RERE: variants seen among roughly 807,000 people sequenced by gnomAD.
The protein encoded by RERE is arginine-glutamic acid dipeptide repeats protein.
Under a neutral mutation model 146.1 loss-of-function variants are expected in RERE, and 40 were observed. The ratio of observed to expected loss-of-function variants is 0.27; its 90% CI spans 0.21 to 0.36. RERE has a LOEUF of 0.36. Ranked by LOEUF, RERE falls within the 10% of genes least tolerant of loss-of-function variation. The pLI, the probability that RERE is intolerant of heterozygous loss-of-function variation, is 1.00. For synonymous variants in RERE, 1,003 were observed against 866.0 expected (o/e 1.16, Z -2.78); for missense variants, 1,933 against 2,138.7 (o/e 0.90, Z 1.90).
intron 3 of RERE, among the ~76,000 whole-genome samples, chr1:8,621,056 G>A (rs751016629): frequency 6.6e-6 from 1 of 151,352 alleles, no homozygotes; most frequent in Non-Finnish European, 1.5e-5. Flanking sequence ...GTGTCCCTAT[G>A]TGTTTTGATG....
intron 12 of RERE, among the ~76,000 whole-genome samples, chr1:8,370,697 T>G (rs1015150721): frequency 4.6e-5 from 7 of 152,200 alleles, no homozygotes; most frequent in African/African-American, 1.7e-4. Context: ...GGGAAAGCTC[T>G]GGTTCTACAA....
At chr1:8,756,128 C>G (rs1430428319) in intron 1 of RERE, among the ~76,000 whole-genome samples, 2 of 151,978 alleles carry the variant, frequency 1.3e-5, no homozygotes, top group Admixed American at 6.6e-5. Flanking sequence ...GACCCCATCT[C>G]CACTAAACAT....
At chr1:8,436,014 G>A (rs1570235003) in intron 11 of RERE, among the ~76,000 whole-genome samples, 1 of 152,162 alleles carries the variant, frequency 6.6e-6, no homozygotes, top group Non-Finnish European at 1.5e-5. Flanking sequence ...ACACAGCTAC[G>A]CCCAAATTAA....
intron 11 of RERE, among the ~76,000 whole-genome samples, chr1:8,454,459 T>C (rs1385560435): frequency 6.6e-6 from 1 of 151,962 alleles, no homozygotes; most frequent in Admixed American, 6.5e-5. Context: ...CACCTCAGAA[T>C]TTTCCCCTTC....
chr1:8,490,808 G>C (rs747887564), intron 10 of RERE, among the ~76,000 whole-genome samples: 4 of 150,508 alleles, frequency 2.7e-5, no homozygotes, highest in African/African-American at 7.5e-5. Context: ...AGCAGAAAAT[G>C]ATTATAAGAG....
Position 8,423,550 on chromosome 1 carries a change from C to T in RERE, c.1204-743G>A, listed in dbSNP as rs2124473607. On this transcript the variant is annotated intron_variant, in intron 11 of 22. Coordinates refer to ENST00000400908, the MANE Select transcript of RERE (RefSeq NM_001042681.2). The surrounding 1 kb of genome is among the most constrained non-coding windows in gnomAD (Gnocchi z 5.4). ...CCCCGGTGGGGGCAGCTCCTGGCTC[C>T]GAGCCCCCACCTCGGGGCTCCCAGC... The T allele has an allele frequency of 1.0e-6, 1 of 985,168 alleles. No individual in the cohort carries two copies. The highest frequency in any genetic ancestry group is 1.2e-6 in the Non-Finnish European group (1 of 829,754). 61.0% of individuals were successfully genotyped at this position (985,168 alleles called of 1,614,324 possible). A position where few individuals can be genotyped will look rare whatever the true frequency, so the allele number is the denominator to read the frequency against.
intron 7 of RERE, among the ~76,000 whole-genome samples, chr1:8,524,962 T>C (rs1645552202): frequency 6.6e-6 from 1 of 152,130 alleles, no homozygotes; most frequent in African/African-American, 2.4e-5. Flanking sequence ...CATACACATA[T>C]GCAAAAAATG....
At chr1:8,747,751 C>G (rs1282769502) in intron 1 of RERE, among the ~76,000 whole-genome samples, 2 of 151,958 alleles carry the variant, frequency 1.3e-5, no homozygotes, top group African/African-American at 4.8e-5. Flanking sequence ...ATTTCCTAGC[C>G]TAGTTGTTAC....
intron 6 of RERE, 93 bp downstream of exon 6, chr1:8,556,382 C>T (rs772417502): frequency 1.3e-6 from 1 of 777,254 alleles, no homozygotes. Context: ...CTGATTAATA[C>T]AGTGACTACT....
chr1:8,527,237 C>T (rs1194567765), intron 7 of RERE, among the ~76,000 whole-genome samples: 1 of 152,162 alleles, frequency 6.6e-6, no homozygotes, highest in Non-Finnish European at 1.5e-5. Flanking sequence ...TTTCCTTTGA[C>T]CTAACACATG....
At chr1:8,404,261 TA>T (rs1438716358) in intron 12 of RERE, among the ~76,000 whole-genome samples, 3 of 151,856 alleles carry the variant, frequency 2.0e-5, no homozygotes, top group African/African-American at 7.3e-5. Context: ...ATTAAAAATA[TA>T]AAAAATTAGC....
At chr1:8,500,737 C>T (rs867244890) in intron 8 of RERE, among the ~76,000 whole-genome samples, 3 of 151,786 alleles carry the variant, frequency 2.0e-5, no homozygotes, top group African/African-American at 7.3e-5. Context: ...GCGTCTCTGC[C>T]CGGCCGCCAT....
At position 8,360,622 on chromosome 1, in the gene RERE, T is replaced by G. The variant is rs763017841; in HGVS notation, c.2885A>C (p.Asn962Thr). 2 of 1,507,170 alleles carry G rather than the reference T, an allele frequency of 1.3e-6. No individual in the cohort carries two copies. The highest frequency in any genetic ancestry group is 2.6e-5 in the South Asian group (2 of 75,706). The allele number at this position is 1,507,170 out of a possible 1,614,324, so 93.4% of individuals were successfully genotyped here. A position where few individuals can be genotyped will look rare whatever the true frequency, so the allele number is the denominator to read the frequency against. ...CTTCAGGGCTGGAGGGGGAGGCAGG[T>G]TGGCATTCATGGAGAAGGGTGAGGG... ...SGPSPFSMNANLPPPPALKPL... is the reference protein window; with the variant it reads ...SGPSPFSMNATLPPPPALKPL... The change falls in exon 18 of 23, where the codon AAC becomes ACC. Residue 962 changes from asparagine (N) to threonine (T), a missense_variant. This residue lies in a region of RERE where 1,255 missense variants were observed against 1,153.8 expected (regional missense o/e 1.09). Transcript: ENST00000400908.
intron 12 of RERE, among the ~76,000 whole-genome samples, chr1:8,368,326 T>C (rs1286942299): frequency 1.3e-5 from 2 of 151,836 alleles, no homozygotes; most frequent in African/African-American, 4.8e-5. Flanking sequence ...TACAAAAAAT[T>C]AGCTGGGCCT....
At chr1:8,509,562 C>T (rs540919550) in intron 7 of RERE, among the ~76,000 whole-genome samples, 40 of 152,294 alleles carry the variant, frequency 2.6e-4, no homozygotes, top group Non-Finnish European at 5.3e-4. Flanking sequence ...AATTCTAGCA[C>T]TTTGGGAGGC....
At chr1:8,743,386 C>CT (rs2124506005) in intron 1 of RERE, among the ~76,000 whole-genome samples, 1 of 151,988 alleles carries the variant, frequency 6.6e-6, no homozygotes, top group African/African-American at 2.4e-5. Context: ...TCAAGCAATC[C>CT]TCCCACCTCA....
chr1:8,562,355 AATAAT>A (rs1384274694), intron 4 of RERE, among the ~76,000 whole-genome samples: 6 of 152,208 alleles, frequency 3.9e-5, no homozygotes, highest in African/African-American at 1.4e-4. Context: ...AATGTTTATA[AATAAT>A]ATATTTCAAA....
rs750666533 is a variant in RERE at position 8,361,243 on chromosome 1, G to A, written c.2264C>T (p.Pro755Leu). The stretch of plus-strand genomic sequence containing the variant: ...CGTGGGCAGCTGAGGGGTCCCTGGA[G>A]GAGCTGAGGAGGGAGCTGGGGTGAC... ...TGVTPAPSSA[P>L]PGTPQLPTPG... Residue 755 changes from proline (P) to leucine (L), a missense_variant, in exon 18 of 23, where the codon CCT becomes CTT. Coordinates refer to ENST00000400908, the MANE Select transcript of RERE (RefSeq NM_001042681.2). 6.4e-7 allele frequency: 1 copy of A among 1,558,028 alleles called. No homozygotes were observed. The highest frequency in any genetic ancestry group is 8.7e-7 in the Non-Finnish European group (1 of 1,155,046).
At chr1:8,742,867 C>A (rs4908509) in intron 1 of RERE, among the ~76,000 whole-genome samples, 30,450 of 91,416 alleles carry the variant, frequency 0.33, 3,305 homozygotes, top group Middle Eastern at 0.51. Context: ...GATCCTGTCT[C>A]AAAAAAAAAA....
Sources: gnomAD v4.1 joint callset for allele counts (sites outside exome capture counted in the v4.1 genomes callset) on GRCh38, gnomAD v4.1.1 for gene constraint, gnomAD v4.1.1 regional missense constraint, Gnocchi (gnomAD v3.1) non-coding constraint, MANE v1.5 for transcripts, NCBI Gene and HGNC (gene_info 2026-07-23, HGNC 2026-07-21) for gene names.